GADD45B: variants seen among roughly 807,000 people sequenced by gnomAD.
GADD45B encodes growth arrest and DNA damage inducible beta.
A neutral mutation model predicts 15.2 loss-of-function variants in GADD45B; 8 were observed. The ratio of observed to expected loss-of-function variants is 0.53; its 90% CI spans 0.31 to 0.95. The LOEUF is 0.95. Ranked by LOEUF, GADD45B falls within the 40% of genes least tolerant of loss-of-function variation. The probability of loss-of-function intolerance (pLI) is 0.05; values close to 1 mark genes in which losing one functional copy is unlikely to be tolerated. For synonymous variants in GADD45B, 100 were observed against 89.8 expected (o/e 1.11, Z -0.64); for missense variants, 162 against 216.6 (o/e 0.75, Z 1.58).
At chr19:2,476,505 C>G (rs576751807) in intron 1 of GADD45B, 24 bp from the exon 2 acceptor site, 2 of 1,604,452 alleles carry the variant, frequency 1.2e-6, no homozygotes, top group African/African-American at 1.3e-5. Context: ...CCGCCCGTCA[C>G]TGATCCCTCT....
intron 2 of GADD45B, 145 bp from the exon 3 acceptor site, chr19:2,476,884 C>G (rs1972323843): frequency 1.6e-6 from 1 of 629,524 alleles, no homozygotes; most frequent in Non-Finnish European, 2.8e-6. Flanking sequence ...CCCCTCCCCC[C>G]ACCGTCACCA....
chr19:2,477,216 A>G lies in GADD45B; in HGVS notation c.334A>G (p.Thr112Ala). 6.2e-7 allele frequency: 1 copy of G among 1,601,358 alleles called. No individual in the cohort carries two copies. The highest frequency in any genetic ancestry group is 8.5e-7 in the Non-Finnish European group (1 of 1,177,140). The change falls in exon 3 of 4, where the codon ACC becomes GCC. Residue 112 changes from threonine to alanine, a missense_variant. Thr to Ala is a moderately conservative substitution (Grantham distance 58, BLOSUM62 0). Transcript: ENST00000215631. This position sits in a 1 kb window ranked among gnomAD's most constrained non-coding sequence, Gnocchi z 4.2. Reference protein sequence around the residue: ...LGEPAETQGTTEARDLHCLLV... With the variant: ...LGEPAETQGTAEARDLHCLLV... ...AGAGCCGGCCGAGACCCAGGGCACC[A>G]CCGAGGCCCGAGACCTGCATTGTCT...
Position 2,476,144 on chromosome 19 carries a change from G to C in GADD45B, c.-215G>C. The C allele has an allele frequency of 1.7e-6, 1 of 605,402 alleles. No homozygotes were observed. The highest frequency in any genetic ancestry group is 2.9e-6 in the Non-Finnish European group (1 of 339,454). 37.5% of individuals were successfully genotyped at this position (605,402 alleles called of 1,614,324 possible). A position where few individuals can be genotyped will look rare whatever the true frequency, so the allele number is the denominator to read the frequency against. On this transcript the variant is annotated 5_prime_UTR_variant, in exon 1 of 4. Coordinates refer to ENST00000215631, the MANE Select transcript of GADD45B (RefSeq NM_015675.4). ...CCCAGCTCAGATCGCCGAAGCGTCGGACTACCGTTGGTTTCCGCAACTTCC... is the reference window on the plus strand; with the variant it reads ...CCCAGCTCAGATCGCCGAAGCGTCGCACTACCGTTGGTTTCCGCAACTTCC...
In GADD45B at chr19:2,477,471, T is replaced by A; in HGVS notation, c.370-17T>A. On this transcript the variant is annotated splice_polypyrimidine_tract_variant and intron_variant, in intron 3 of 3. Transcript: ENST00000215631. This position sits in a 1 kb window ranked among gnomAD's most constrained non-coding sequence, Gnocchi z 4.2. ...GAGAGGGAGGCTCCACTAAACCCCT[T>A]CTTTTCCCTCCTACAGAACCCTCAC... The A allele has an allele frequency of 6.4e-7, 1 of 1,565,836 alleles. No homozygotes were observed. The highest frequency in any genetic ancestry group is 8.8e-7 in the Non-Finnish European group (1 of 1,137,238).
In GADD45B at chr19:2,477,281, C is replaced by T. The variant is rs757184383; in HGVS notation, c.369+30C>T. ...GTCGGGCCTCTGCCCTGCCCCGCCA[C>T]GCCCGGGCACCTGGGCCGGTGTTTG... On this transcript the variant is annotated intron_variant, in intron 3 of 3. Coordinates refer to ENST00000215631, the MANE Select transcript of GADD45B (RefSeq NM_015675.4). The surrounding 1 kb of genome is among the most constrained non-coding windows in gnomAD (Gnocchi z 4.2). The T allele has an allele frequency of 3.5e-6, 5 of 1,409,936 alleles. No homozygotes were observed. The highest frequency in any genetic ancestry group is 2.6e-5 in the South Asian group (2 of 77,698). 87.3% of individuals were successfully genotyped at this position (1,409,936 alleles called of 1,614,324 possible).
At position 2,477,836 on chromosome 19, in the gene GADD45B, G is replaced by A; in HGVS notation, c.*235G>A. The A allele has an allele frequency of 2.6e-6, 1 of 391,430 alleles. No individual in the cohort carries two copies. Among genetic ancestry groups the A allele is most frequent in the Non-Finnish European group, 4.8e-6 (1 of 208,796 alleles). 24.2% of individuals were successfully genotyped at this position (391,430 alleles called of 1,614,324 possible). A position where few individuals can be genotyped will look rare whatever the true frequency, so the allele number is the denominator to read the frequency against. On this transcript the variant is annotated 3_prime_UTR_variant, in exon 4 of 4. Transcript: ENST00000215631. This position sits in a 1 kb window ranked among gnomAD's most constrained non-coding sequence, Gnocchi z 4.2. ...GGCCGCCGATCCGATGGAGAAGGGG[G>A]GACCCAGGCCAGCAGGAGACAGGAC...
chr19:2,476,447 A>ACGGGT (rs2144694942), intron 1 of GADD45B, 45 bp downstream of exon 1: 5 of 1,537,128 alleles, frequency 3.3e-6, no homozygotes, highest in Non-Finnish European at 4.5e-6. Flanking sequence ...CCGGGACGGG[A>ACGGGT]TGGGTCGGGT....
Position 2,477,711 on chromosome 19 carries a change from C to A in GADD45B, c.*110C>A. ...AACCCCCCCAAAACAACCCAACCCA[C>A]GAGGACCATCGGGGGCAGAGTCGTT... On this transcript the variant is annotated 3_prime_UTR_variant, in exon 4 of 4. Coordinates refer to ENST00000215631, the MANE Select transcript of GADD45B (RefSeq NM_015675.4). The surrounding 1 kb of genome is among the most constrained non-coding windows in gnomAD (Gnocchi z 4.2). 1.7e-6 allele frequency: 1 copy of A among 586,206 alleles called. No individual in the cohort carries two copies. Among genetic ancestry groups the A allele is most frequent in the South Asian group, 1.9e-5 (1 of 53,116 alleles). 36.3% of individuals were successfully genotyped at this position (586,206 alleles called of 1,614,324 possible).
chr19:2,476,160 C>G lies in GADD45B; in HGVS notation c.-199C>G, dbSNP rs559432679. 4.8e-6 allele frequency: 3 copies of G among 624,360 alleles called. No homozygotes were observed. In the East Asian group the frequency reaches 8.2e-5, roughly 17 times the overall value. The allele number at this position is 624,360 out of a possible 1,614,324, so 38.7% of individuals were successfully genotyped here. A position where few individuals can be genotyped will look rare whatever the true frequency, so the allele number is the denominator to read the frequency against. On this transcript the variant is annotated 5_prime_UTR_variant, in exon 1 of 4. Coordinates refer to ENST00000215631, the MANE Select transcript of GADD45B (RefSeq NM_015675.4). Reference sequence around the variant, plus strand: ...GAAGCGTCGGACTACCGTTGGTTTCCGCAACTTCCTGGATTATCCTCGCCA... The same window carrying G: ...GAAGCGTCGGACTACCGTTGGTTTCGGCAACTTCCTGGATTATCCTCGCCA...
Position 2,477,026 on chromosome 19 carries a change from C to T in GADD45B, c.147-3C>T. ...ACCCATCCCTACCCTTTGGCCCCCT[C>T]AGGGACCCAGACAGCGTGGTCCTCT... is the stretch of plus-strand genomic sequence containing the variant. On this transcript the variant is annotated splice_polypyrimidine_tract_variant and splice_region_variant and intron_variant, in intron 2 of 3. Coordinates refer to ENST00000215631, the MANE Select transcript of GADD45B (RefSeq NM_015675.4). This position sits in a 1 kb window ranked among gnomAD's most constrained non-coding sequence, Gnocchi z 4.2. 3 of 1,607,878 alleles carry T rather than the reference C, an allele frequency of 1.9e-6. No homozygotes were observed. Among genetic ancestry groups the T allele is most frequent in the Non-Finnish European group, 2.6e-6 (3 of 1,174,794 alleles).
At chr19:2,476,731 C>T in intron 2 of GADD45B, 101 bp downstream of exon 2, 3 of 705,746 alleles carry the variant, frequency 4.3e-6, no homozygotes, top group Admixed American at 2.9e-5. Context: ...GCTGGGACTT[C>T]CCCAAGTGCC....
Position 2,476,543 on chromosome 19 carries a change from C to T in GADD45B, c.59C>T (p.Thr20Ile), listed in dbSNP as rs940992930. The T allele has an allele frequency of 1.8e-5, 29 of 1,606,188 alleles. No homozygotes were observed. The highest frequency in any genetic ancestry group is 2.5e-5 in the Non-Finnish European group (29 of 1,174,790). The change falls in exon 2 of 4, where the codon ACC becomes ATC. Residue 20 changes from threonine (T) to isoleucine (I), a missense_variant. Thr to Ile is a moderately conservative substitution (Grantham distance 89, BLOSUM62 -1). Transcript: ENST00000215631. ...DNAAQKMQTV[T>I]AAVEELLVAA... is the part of the protein sequence containing the mutation. ...CCTGGTCTCAGGATGCAGACGGTGA[C>T]CGCCGCGGTGGAGGAGCTTTTGGTG...
chr19:2,476,392 G>A lies in GADD45B; in HGVS notation c.34G>A (p.Ala12Thr), dbSNP rs542117218. The change falls in exon 1 of 4, where the codon GCG becomes ACG. Residue 12 changes from alanine (A) to threonine (T), a missense_variant. Physicochemically the swap from Ala to Thr is moderately conservative, Grantham distance 58. Transcript: ENST00000215631. ...TLEELVACDN[A>T]AQKMQTVTAA... is the part of the protein sequence containing the mutation. Reference sequence around the variant, plus strand: ...GGAAGAGCTCGTGGCGTGCGACAACGCGGCGCAGAAGTAAGTAGCCGGGGC... The same window carrying A: ...GGAAGAGCTCGTGGCGTGCGACAACACGGCGCAGAAGTAAGTAGCCGGGGC... The A allele has an allele frequency of 5.5e-5, 89 of 1,613,590 alleles. 1 individual carries two copies. The South Asian group carries it at 9.1e-4, about 17-fold the overall frequency.
At position 2,477,299 on chromosome 19, in the gene GADD45B, G is replaced by A. The variant is rs1482910090; in HGVS notation, c.369+48G>A. The A allele has an allele frequency of 2.3e-6, 3 of 1,330,792 alleles. No homozygotes were observed. Among genetic ancestry groups the A allele is most frequent in the Non-Finnish European group, 3.1e-6 (3 of 972,834 alleles). The allele number at this position is 1,330,792 out of a possible 1,614,324, so 82.4% of individuals were successfully genotyped here. ...CCCGCCACGCCCGGGCACCTGGGCCGGTGTTTGTCAACAAAGTCGGGCTGA... is the reference window on the plus strand; with the variant it reads ...CCCGCCACGCCCGGGCACCTGGGCCAGTGTTTGTCAACAAAGTCGGGCTGA... On this transcript the variant is annotated intron_variant, in intron 3 of 3. Coordinates refer to ENST00000215631, the MANE Select transcript of GADD45B (RefSeq NM_015675.4). The surrounding 1 kb of genome is among the most constrained non-coding windows in gnomAD (Gnocchi z 4.2).
intron 2 of GADD45B, 164 bp from the exon 3 acceptor site, chr19:2,476,865 G>A (rs1161051824): frequency 1.3e-5 from 8 of 608,342 alleles, no homozygotes; most frequent in African/African-American, 3.8e-5. Flanking sequence ...ACTTTGAACC[G>A]TGTGCCCTCC....
At position 2,477,434 on chromosome 19, in the gene GADD45B, CAG is replaced by C. The variant is rs1949680063; in HGVS notation, c.370-53_370-52del. The C allele has an allele frequency of 7.7e-7, 1 of 1,305,152 alleles. No individual in the cohort carries two copies. Among genetic ancestry groups the C allele is most frequent in the East Asian group, 2.4e-5 (1 of 42,308 alleles). The allele number at this position is 1,305,152 out of a possible 1,614,324, so 80.8% of individuals were successfully genotyped here. On this transcript the variant is annotated intron_variant, in intron 3 of 3. Transcript: ENST00000215631. The surrounding 1 kb of genome is among the most constrained non-coding windows in gnomAD (Gnocchi z 4.2). ...TTTGAGCCTGACTGTTTTCCCCACACAGGGGCCCCGGGAGAGGGAGGCTCCAC... is the reference window on the plus strand; with the variant it reads ...TTTGAGCCTGACTGTTTTCCCCACACGGGCCCCGGGAGAGGGAGGCTCCAC...
In GADD45B at chr19:2,477,773, T is replaced by C; in HGVS notation, c.*172T>C. On this transcript the variant is annotated 3_prime_UTR_variant, in exon 4 of 4. Coordinates refer to ENST00000215631, the MANE Select transcript of GADD45B (RefSeq NM_015675.4). The surrounding 1 kb of genome is among the most constrained non-coding windows in gnomAD (Gnocchi z 4.2). ...AGGAAGAGGAGGAGGAGAAGGGGAG[T>C]GAGCGGCCGCCCCCAGGGCGGAGAT... The C allele has an allele frequency of 2.5e-6, 1 of 405,088 alleles. No individual in the cohort carries two copies. Among genetic ancestry groups the C allele is most frequent in the Admixed American group, 4.1e-5 (1 of 24,602 alleles). The allele number at this position is 405,088 out of a possible 1,614,324, so 25.1% of individuals were successfully genotyped here. A position where few individuals can be genotyped will look rare whatever the true frequency, so the allele number is the denominator to read the frequency against.
rs943872734 is a variant in GADD45B at position 2,477,446 on chromosome 19, G to A, written c.370-42G>A. 1 of 1,384,074 alleles carries A rather than the reference G, an allele frequency of 7.2e-7. No homozygotes were observed. Among genetic ancestry groups the A allele is most frequent in the African/African-American group, 1.4e-5 (1 of 70,288 alleles). 85.7% of individuals were successfully genotyped at this position (1,384,074 alleles called of 1,614,324 possible). On this transcript the variant is annotated intron_variant, in intron 3 of 3. Coordinates refer to ENST00000215631, the MANE Select transcript of GADD45B (RefSeq NM_015675.4). The surrounding 1 kb of genome is among the most constrained non-coding windows in gnomAD (Gnocchi z 4.2). ...TGTTTTCCCCACACAGGGGCCCCGG[G>A]AGAGGGAGGCTCCACTAAACCCCTT... is the stretch of plus-strand genomic sequence containing the variant.
At position 2,476,290 on chromosome 19, in the gene GADD45B, G is replaced by A; in HGVS notation, c.-69G>A. 1 of 1,499,654 alleles carries A rather than the reference G, an allele frequency of 6.7e-7. No individual in the cohort carries two copies. The highest frequency in any genetic ancestry group is 9.3e-7 in the Non-Finnish European group (1 of 1,076,358). 92.9% of individuals were successfully genotyped at this position (1,499,654 alleles called of 1,614,324 possible). ...CTGTGGGAAGGTTTTGGGCTCTCTG[G>A]CTCGGATTTTGCAATTTCTCCCTGG... On this transcript the variant is annotated 5_prime_UTR_variant, in exon 1 of 4. Transcript: ENST00000215631.
Sources: gnomAD v4.1 joint callset for allele counts on GRCh38, gnomAD v4.1.1 for gene constraint, Gnocchi (gnomAD v3.1) non-coding constraint, MANE v1.5 for transcripts, NCBI Gene and HGNC (gene_info 2026-07-23, HGNC 2026-07-21) for gene names.